The following CD55 variants were observed in gnomAD, a reference collection of about 807,000 sequenced individuals.
The protein encoded by CD55 is complement decay-accelerating factor.
Under a neutral mutation model 45.8 loss-of-function variants are expected in CD55, and 41 were observed. That is an observed-to-expected ratio of 0.90 (90% confidence interval 0.70 to 1.16). The LOEUF is 1.16. Among genes scored for constraint, CD55 ranks in the 50% most tolerant of loss-of-function variants. The pLI, the probability that CD55 is intolerant of heterozygous loss-of-function variation, is 0.00. For missense variants in CD55, 416 were observed against 469.8 expected, an observed-to-expected ratio of 0.89 and a Z score of 1.06; for synonymous variants, 181 against 181.1, an observed-to-expected ratio of 1.00 and a Z score of 0.01.
chr1:207,337,426 C>G lies in CD55; in HGVS notation c.1060+17C>G, dbSNP rs748439306. The G allele has an allele frequency of 9.4e-6, 13 of 1,388,556 alleles. No homozygotes were observed. The highest frequency in any genetic ancestry group is 6.9e-5 in the South Asian group (6 of 86,566). 86.0% of individuals were successfully genotyped at this position (1,388,556 alleles called of 1,614,324 possible). A position where few individuals can be genotyped will look rare whatever the true frequency, so the allele number is the denominator to read the frequency against. Reference sequence around the variant, plus strand: ...CCACTTCAGGTCAGTTGACACTGTTCAGGTTTACTGAGTATGGATCTAATG... The same window carrying G: ...CCACTTCAGGTCAGTTGACACTGTTGAGGTTTACTGAGTATGGATCTAATG... On this transcript the variant is annotated intron_variant, in intron 8 of 9. Coordinates refer to ENST00000367064, the MANE Select transcript of CD55 (RefSeq NM_000574.5).
Position 207,321,885 on chromosome 1 carries a change from C to T in CD55, c.100+20C>T. On this transcript the variant is annotated intron_variant, in intron 1 of 9. Coordinates refer to ENST00000367064, the MANE Select transcript of CD55 (RefSeq NM_000574.5). The stretch of plus-strand genomic sequence containing the variant: ...TGTGGGGTGAGTAGGGGCCCGGCGG[C>T]CGGGGAAGCCCCTGGGCTGGGTGGG... 1 of 1,492,120 alleles carries T rather than the reference C, an allele frequency of 6.7e-7. No homozygotes were observed. The allele number at this position is 1,492,120 out of a possible 1,614,324, so 92.4% of individuals were successfully genotyped here.
intron 5 of CD55, among the ~76,000 whole-genome samples, chr1:207,329,766 C>T (rs932999010): frequency 2.0e-5 from 3 of 152,080 alleles, no homozygotes; most frequent in African/African-American, 7.2e-5. Flanking sequence ...TGCACACCAC[C>T]ATGCCCAGCT....
In CD55 at chr1:207,359,647, A is replaced by C. The variant is rs1240073632; in HGVS notation, c.*37A>C. 6.4e-7 allele frequency: 1 copy of C among 1,559,216 alleles called. No homozygotes were observed. The highest frequency in any genetic ancestry group is 2.3e-5 in the East Asian group (1 of 43,362). ...TTAAGAAGAAAATACACACAAGTAT[A>C]CAGACTGTTCCTAGTTTCTTAGACT... On this transcript the variant is annotated 3_prime_UTR_variant, in exon 10 of 10. Coordinates refer to ENST00000367064, the MANE Select transcript of CD55 (RefSeq NM_000574.5).
chr1:207,351,236 T>A (rs1352084314), intron 9 of CD55, among the ~76,000 whole-genome samples: 1 of 152,188 alleles, frequency 6.6e-6, no homozygotes, highest in Non-Finnish European at 1.5e-5. Flanking sequence ...GTTTTTTGAA[T>A]TTGTTTAAAA....
At chr1:207,327,504 T>C (rs1654739354) in intron 5 of CD55, among the ~76,000 whole-genome samples, 1 of 152,336 alleles carries the variant, frequency 6.6e-6, no homozygotes, top group East Asian at 1.9e-4. Flanking sequence ...CAAATTTATG[T>C]CAATTAGAGA....
chr1:207,344,248 G>A (rs914899942), intron 9 of CD55, among the ~76,000 whole-genome samples: 5 of 152,074 alleles, frequency 3.3e-5, no homozygotes, highest in African/African-American at 1.2e-4. Flanking sequence ...TCTTATTATT[G>A]TGATGTAGAG....
At chr1:207,325,799 C>A in intron 4 of CD55, 78 bp downstream of exon 4, 1 of 792,282 alleles carries the variant, frequency 1.3e-6, no homozygotes, top group Non-Finnish European at 2.2e-6. Context: ...TTGTTAGTTT[C>A]ATGACTGGTA....
intron 2 of CD55, among the ~76,000 whole-genome samples, chr1:207,323,488 CACCTTATGTGCCCTTTGATT>C (rs1209264395): frequency 2.0e-5 from 3 of 152,046 alleles, no homozygotes; most frequent in African/African-American, 7.2e-5. Context: ...CAGTCATCCA[CACCTTATGTGCCCTTTGATT>C]TCATAAAATA....
rs751016917 is a variant in CD55, at chr1:207,324,606, C to T, written c.334C>T (p.Pro112Ser). 7 of 1,611,480 alleles carry T rather than the reference C, an allele frequency of 4.3e-6. No individual in the cohort carries two copies. The Admixed American group carries it at 8.4e-5, about 19-fold the overall frequency. ...GCTAAATTCTGCATCCCTCAAACAGCCTTATATCACTCAGAATTATTTTCC... is the reference window on the plus strand; with the variant it reads ...GCTAAATTCTGCATCCCTCAAACAGTCTTATATCACTCAGAATTATTTTCC... ...TRLNSASLKQ[P>S]YITQNYFPVG... is the part of the protein sequence containing the mutation. The change falls in exon 3 of 10, where the codon CCT becomes TCT. Residue 112 changes from proline (P) to serine (S), a missense_variant. This residue lies in a region of CD55 where 111 missense variants were observed against 163.4 expected (regional missense o/e 0.68). Coordinates refer to ENST00000367064, the MANE Select transcript of CD55 (RefSeq NM_000574.5).
chr1:207,345,033 A>G (rs970613583), intron 9 of CD55, among the ~76,000 whole-genome samples: 4 of 152,118 alleles, frequency 2.6e-5, no homozygotes, highest in Admixed American at 1.3e-4. Flanking sequence ...ACCTTTTTAA[A>G]TTGTATCTAC....
intron 3 of CD55, 105 bp downstream of exon 3, chr1:207,324,855 G>A (rs1326660168): frequency 1.7e-6 from 1 of 584,052 alleles, no homozygotes; most frequent in Non-Finnish European, 2.9e-6. Context: ...TTATTATATA[G>A]GATGTTTCTT....
At chr1:207,340,775 A>T (rs1655392992) in intron 9 of CD55, 1 of 449,048 alleles carries the variant, frequency 2.2e-6, no homozygotes, top group Non-Finnish European at 3.9e-6. Context: ...TATCTTTTTG[A>T]TATATTGGTT....
chr1:207,335,038 T>C lies in CD55; in HGVS notation c.854-1655T>C, dbSNP rs73085292. Among the ~76,000 whole-genome samples the C allele has an allele frequency of 5.5e-3, 834 of 152,262 alleles. 8 individuals carry two copies. The highest frequency in any genetic ancestry group is 0.018 in the African/African-American group (758 of 41,558). ...ACACAGTTACATTAATATCAATGTA[T>C]ATTTTAAGATGAAACAGTTCATAAT... On this transcript the variant is annotated intron_variant, in intron 6 of 9. Coordinates refer to ENST00000367064, the MANE Select transcript of CD55 (RefSeq NM_000574.5).
intron 1 of CD55, 165 bp from the exon 2 acceptor site, chr1:207,322,217 C>A (rs548202490): frequency 5.4e-6 from 4 of 737,118 alleles, no homozygotes; most frequent in South Asian, 2.9e-5. Context: ...GACCGCTGAC[C>A]GTTCCCCACT....
chr1:207,331,794 G>A (rs1412925573), intron 6 of CD55, among the ~76,000 whole-genome samples: 4 of 152,046 alleles, frequency 2.6e-5, no homozygotes, highest in African/African-American at 7.2e-5. Flanking sequence ...CCTTCTAGAC[G>A]TTTTTCTTTC....
intron 9 of CD55, chr1:207,350,060 A>G: frequency 2.2e-6 from 1 of 453,234 alleles, no homozygotes; most frequent in Non-Finnish European, 4.4e-6. Flanking sequence ...GATGACTTTT[A>G]ACATGAAGGG....
intron 9 of CD55, chr1:207,350,101 AACAAT>A: frequency 2.2e-6 from 1 of 454,624 alleles, no homozygotes; most frequent in South Asian, 1.6e-5. Context: ...CCTTTTCTAC[AACAAT>A]TGAGATGATC....
At chr1:207,343,995 GGTTT>G (rs1172257863) in intron 9 of CD55, among the ~76,000 whole-genome samples, 5 of 152,070 alleles carry the variant, frequency 3.3e-5, no homozygotes, top group South Asian at 2.1e-4. Flanking sequence ...GTTTGTTTTT[GGTTT>G]GTGTTAGCAT....
chr1:207,329,121 G>A (rs1191503060), intron 5 of CD55, among the ~76,000 whole-genome samples: 1 of 152,226 alleles, frequency 6.6e-6, no homozygotes, highest in East Asian at 1.9e-4. Flanking sequence ...ACCCTCTCAG[G>A]CCCTGGAAGG....
Sources: allele counts gnomAD v4.1 joint callset (sites outside exome capture counted in the v4.1 genomes callset), GRCh38; gene constraint gnomAD v4.1.1; regional missense constraint gnomAD v4.1.1; transcripts MANE v1.5; gene names NCBI Gene and HGNC (gene_info 2026-07-23, HGNC 2026-07-21).